The following FYTTD1 variants were observed in gnomAD, a reference collection of about 807,000 sequenced individuals.
FYTTD1 encodes the protein forty-two-three domain containing 1, also known as UAP56-interacting factor.
FYTTD1 carries 22 observed loss-of-function variants against 40.9 expected under a neutral mutation model. The ratio of observed to expected loss-of-function variants is 0.54; its 90% CI spans 0.38 to 0.77. The LOEUF is 0.77. Ranked by LOEUF, FYTTD1 falls within the 30% of genes least tolerant of loss-of-function variation. FYTTD1 has a pLI of 0.00. For missense variants in FYTTD1, 351 were observed against 392.2 expected (o/e 0.90, Z 0.89); for synonymous variants, 140 against 137.9 (o/e 1.01, Z -0.10).
chr3:197,769,176 C>T lies in FYTTD1; in HGVS notation c.384+589C>T, dbSNP rs547939757. Among the ~76,000 whole-genome samples, 67 of 152,232 alleles carry T rather than the reference C, an allele frequency of 4.4e-4. No homozygotes were observed. In the South Asian group the frequency reaches 0.013, roughly 31 times the overall value. On this transcript the variant is annotated intron_variant, in intron 3 of 8. Coordinates refer to ENST00000241502, the MANE Select transcript of FYTTD1 (RefSeq NM_032288.7). ...AATCTCGGCTCACTGCAACCTCCAC[C>T]TCCTGGTTTCAAGCAATTCTTCTGC...
chr3:197,756,547 A>G lies in FYTTD1; in HGVS notation c.225A>G (p.Gln75=), dbSNP rs564690175. ...GGATGAGAGTGCGATGGGGAATCCA[A>G]CAGAATTCTGGTAAGTTTTGAAAGT... is the stretch of plus-strand genomic sequence containing the variant. ...QFRMRVRWGI[Q]QNSGFGKTSL... Residue 75 remains glutamine, a synonymous_variant, in exon 2 of 9, where the codon CAA becomes CAG. Coordinates refer to ENST00000241502, the MANE Select transcript of FYTTD1 (RefSeq NM_032288.7). 6 of 1,613,734 alleles carry G rather than the reference A, an allele frequency of 3.7e-6. No individual in the cohort carries two copies. The South Asian group carries it at 5.5e-5, about 15-fold the overall frequency.
chr3:197,756,523 G>A lies in FYTTD1; in HGVS notation c.201G>A (p.Arg67=). ...LLQQSGAQQF[R]MRVRWGIQQN... ...AGCAAAGTGGTGCCCAGCAATTCAGGATGAGAGTGCGATGGGGAATCCAAC... is the reference window on the plus strand; with the variant it reads ...AGCAAAGTGGTGCCCAGCAATTCAGAATGAGAGTGCGATGGGGAATCCAAC... The change falls in exon 2 of 9, where the codon AGG becomes AGA. Residue 67 remains arginine, a synonymous_variant. Coordinates refer to ENST00000241502, the MANE Select transcript of FYTTD1 (RefSeq NM_032288.7). The A allele has an allele frequency of 6.2e-7, 1 of 1,613,842 alleles. No individual in the cohort carries two copies.
At position 197,783,742 on chromosome 3, in the gene FYTTD1, T is replaced by C. The variant is rs993572421; in HGVS notation, c.*1833T>C. The C allele has an allele frequency of 1.3e-5, 2 of 152,312 alleles. No individual in the cohort carries two copies. The highest frequency in any genetic ancestry group is 4.8e-5 in the African/African-American group (2 of 41,472). 9.4% of individuals were successfully genotyped at this position (152,312 alleles called of 1,614,324 possible). ...AAGGAAAAGCAGCTGAGCTCAAGTT[T>C]GCTGTCTTTAGAATGGTTTGTGAAA... On this transcript the variant is annotated 3_prime_UTR_variant, in exon 9 of 9. Coordinates refer to ENST00000241502, the MANE Select transcript of FYTTD1 (RefSeq NM_032288.7).
At chr3:197,771,509 G>A (rs565403044) in intron 4 of FYTTD1, among the ~76,000 whole-genome samples, 3 of 152,126 alleles carry the variant, frequency 2.0e-5, no homozygotes, top group African/African-American at 4.8e-5. Context: ...GGGTGCGGTG[G>A]CTCACGCCTG....
In FYTTD1 at chr3:197,749,934, C is replaced by T. The variant is rs546111062; in HGVS notation, c.-38C>T. On this transcript the variant is annotated 5_prime_UTR_variant, in exon 1 of 9. Coordinates refer to ENST00000241502, the MANE Select transcript of FYTTD1 (RefSeq NM_032288.7). ...GGAGGTGGCAGGCCTGCGACTCCGGCCTTGTCCGCGCCCGCTCTCGGCGCG... is the reference window on the plus strand; with the variant it reads ...GGAGGTGGCAGGCCTGCGACTCCGGTCTTGTCCGCGCCCGCTCTCGGCGCG... The T allele has an allele frequency of 2.9e-4, 412 of 1,430,810 alleles. 5 individuals are homozygous for T. In the South Asian group the frequency reaches 4.5e-3, roughly 15 times the overall value. The allele number at this position is 1,430,810 out of a possible 1,614,324, so 88.6% of individuals were successfully genotyped here.
chr3:197,771,230 T>C (rs534124294), intron 4 of FYTTD1, among the ~76,000 whole-genome samples: 90 of 152,312 alleles, frequency 5.9e-4, no homozygotes, highest in African/African-American at 2.0e-3. Context: ...TCTGTTGTTA[T>C]GGCATTCTGT....
intron 3 of FYTTD1, among the ~76,000 whole-genome samples, chr3:197,769,728 G>C (rs1235653519): frequency 6.6e-6 from 1 of 151,828 alleles, no homozygotes; most frequent in African/African-American, 2.4e-5. Context: ...AAATCTATTA[G>C]TATCAAAAAT....
chr3:197,754,237 T>C (rs1314968753), intron 1 of FYTTD1, among the ~76,000 whole-genome samples: 1 of 152,200 alleles, frequency 6.6e-6, no homozygotes. Flanking sequence ...ATTCCCTTTA[T>C]GCTTATTGAG....
intron 2 of FYTTD1, among the ~76,000 whole-genome samples, chr3:197,760,124 C>T (rs930988655): frequency 1.5e-4 from 23 of 151,142 alleles, no homozygotes; most frequent in Non-Finnish European, 7.4e-5. Context: ...GAATGTTCCT[C>T]AGTGGTAGAA....
intron 2 of FYTTD1, among the ~76,000 whole-genome samples, chr3:197,761,792 A>C (rs745519778): frequency 1.7e-4 from 26 of 152,240 alleles, no homozygotes; most frequent in Non-Finnish European, 1.5e-4. Flanking sequence ...TCCAGAGTCT[A>C]CATGATGTCT....
At chr3:197,764,703 C>T (rs1410832741) in intron 2 of FYTTD1, among the ~76,000 whole-genome samples, 2 of 58,408 alleles carry the variant, frequency 3.4e-5, no homozygotes, top group East Asian at 1.8e-3. Context: ...AGCGAGAGTC[C>T]GTCCCAAAAA....
chr3:197,770,468 C>T (rs1729684920), intron 4 of FYTTD1, among the ~76,000 whole-genome samples: 1 of 152,182 alleles, frequency 6.6e-6, no homozygotes, highest in South Asian at 2.1e-4. Context: ...TTTTAAAAAG[C>T]ATCACTCTGC....
At position 197,784,170 on chromosome 3, in the gene FYTTD1, A is replaced by G. The variant is rs965550222; in HGVS notation, c.*2261A>G. ...AAAACATTGGTGCCGTGCATCACCA[A>G]ATGAAAGTTTGTATTTAACGAGGAG... On this transcript the variant is annotated 3_prime_UTR_variant, in exon 9 of 9. Transcript: ENST00000241502. 1.3e-5 allele frequency: 2 copies of G among 152,586 alleles called. No homozygotes were observed. Among genetic ancestry groups the G allele is most frequent in the African/African-American group, 4.8e-5 (2 of 41,428 alleles). 9.5% of individuals were successfully genotyped at this position (152,586 alleles called of 1,614,324 possible). A position where few individuals can be genotyped will look rare whatever the true frequency, so the allele number is the denominator to read the frequency against.
At chr3:197,753,916 T>G (rs1374178272) in intron 1 of FYTTD1, among the ~76,000 whole-genome samples, 10 of 152,150 alleles carry the variant, frequency 6.6e-5, no homozygotes, top group African/African-American at 2.2e-4. Flanking sequence ...ATTTTTTGTA[T>G]TTTTTAGTAG....
At chr3:197,753,948 G>A (rs1456076123) in intron 1 of FYTTD1, among the ~76,000 whole-genome samples, 1 of 151,966 alleles carries the variant, frequency 6.6e-6, no homozygotes, top group Non-Finnish European at 1.5e-5. Context: ...CACCATATTA[G>A]CCAGGATGGT....
Position 197,755,767 on chromosome 3 carries a change from T to C in FYTTD1, c.104-659T>C, listed in dbSNP as rs1300204777. 1.9e-6 allele frequency: 3 copies of C among 1,547,726 alleles called. No homozygotes were observed. The Admixed American group carries it at 5.9e-5, about 31-fold the overall frequency. ...CCTCCCAAAGTGCTGGGATTATAGG[T>C]GTGAGTCACCATGCCTGGCCGGAAG... On this transcript the variant is annotated intron_variant, in intron 1 of 8. Coordinates refer to ENST00000241502, the MANE Select transcript of FYTTD1 (RefSeq NM_032288.7).
intron 4 of FYTTD1, among the ~76,000 whole-genome samples, chr3:197,771,753 G>A (rs1729724319): frequency 7.1e-6 from 1 of 140,986 alleles, no homozygotes; most frequent in African/African-American, 2.6e-5. Flanking sequence ...CTCCAGCCTG[G>A]GCGACAGAGC....
intron 1 of FYTTD1, among the ~76,000 whole-genome samples, chr3:197,755,098 G>A (rs1729171824): frequency 6.6e-6 from 1 of 152,158 alleles, no homozygotes; most frequent in African/African-American, 2.4e-5. Context: ...GGGGCAGTTT[G>A]GAAGTATGTT....
chr3:197,749,811 T>C (rs28373227), upstream of FYTTD1: 2,241 of 474,758 alleles, frequency 4.7e-3, 28 homozygotes, highest in African/African-American at 0.04. Context: ...CGCCCGCGAG[T>C]GTCGGTGGCC....
Sources: allele counts gnomAD v4.1 joint callset (sites outside exome capture counted in the v4.1 genomes callset), GRCh38; gene constraint gnomAD v4.1.1; transcripts MANE v1.5; gene names NCBI Gene and HGNC (gene_info 2026-07-23, HGNC 2026-07-21).